RAPGEF6: variants seen among roughly 807,000 people sequenced by gnomAD.
RAPGEF6 encodes PDZ domain containing guanine nucleotide exchange factor (GEF) 2.
A neutral mutation model predicts 171.4 loss-of-function variants in RAPGEF6; 56 were observed. The observed-to-expected ratio is 0.33, with a 90% CI of 0.26 to 0.41. RAPGEF6 has a LOEUF of 0.41. Ranked by LOEUF, RAPGEF6 falls within the 10% of genes least tolerant of loss-of-function variation. RAPGEF6 has a pLI of 1.00. For missense variants in RAPGEF6, 1,674 were observed against 1,921.4 expected (o/e 0.87, Z 2.41); for synonymous variants, 692 against 650.1 (o/e 1.06, Z -0.98).
intron 7 of RAPGEF6, among the ~76,000 whole-genome samples, chr5:131,515,111 G>A (rs1757989738): frequency 6.6e-6 from 1 of 152,100 alleles, no homozygotes; most frequent in Non-Finnish European, 1.5e-5. Flanking sequence ...TAAACATGAA[G>A]CTACAATGAA....
At position 131,599,776 on chromosome 5, in the gene RAPGEF6, A is replaced by T. The variant is rs11738616; in HGVS notation, c.197+3495T>A. 1.2e-3 allele frequency among the ~76,000 whole-genome samples: 182 copies of T among 152,016 alleles called. 1 individual carries two copies. The highest frequency in any genetic ancestry group is 3.5e-3 in the South Asian group (17 of 4,824). ...ATATTAGCAATGCCATTTTTGATAA[A>T]TTTTTTTTTAAAGTGCCAAAATGAG... On this transcript the variant is annotated intron_variant, in intron 3 of 27. Coordinates refer to ENST00000509018, the MANE Select transcript of RAPGEF6 (RefSeq NM_016340.6).
intron 1 of RAPGEF6, among the ~76,000 whole-genome samples, chr5:131,608,753 T>C (rs1458467686): frequency 6.6e-6 from 1 of 151,886 alleles, no homozygotes; most frequent in Non-Finnish European, 1.5e-5. Context: ...GAGAGAGGGT[T>C]GTTAAAAAAA....
intron 6 of RAPGEF6, among the ~76,000 whole-genome samples, chr5:131,524,006 A>G (rs1758692314): frequency 6.6e-6 from 1 of 152,202 alleles, no homozygotes. Flanking sequence ...CCAGAAGACA[A>G]TTGAGTGATA....
At chr5:131,482,564 A>G (rs977692702) in intron 15 of RAPGEF6, among the ~76,000 whole-genome samples, 2 of 152,148 alleles carry the variant, frequency 1.3e-5, no homozygotes, top group African/African-American at 4.8e-5. Flanking sequence ...CGCCCTCCCA[A>G]AGTGATGGGA....
chr5:131,528,007 T>A (rs952260581), intron 6 of RAPGEF6, among the ~76,000 whole-genome samples: 18 of 144,234 alleles, frequency 1.2e-4, no homozygotes, highest in African/African-American at 4.6e-4. Context: ...AGAGTGAGAC[T>A]CCGTGTCAAA....
chr5:131,479,306 T>C (rs992701239), intron 16 of RAPGEF6, among the ~76,000 whole-genome samples: 3 of 152,114 alleles, frequency 2.0e-5, no homozygotes, highest in Admixed American at 6.6e-5. Flanking sequence ...AAATTCAAAA[T>C]AATGCTATTA....
At position 131,612,750 on chromosome 5, in the gene RAPGEF6, G is replaced by C. The variant is rs991859344; in HGVS notation, c.70-8057C>G. The stretch of plus-strand genomic sequence containing the variant: ...CATGTGGGTAGGCTAGTGTTACAGG[G>C]AACCAGAATTTTCTAAGACTCTCAA... On this transcript the variant is annotated intron_variant, in intron 1 of 27. Coordinates refer to ENST00000509018, the MANE Select transcript of RAPGEF6 (RefSeq NM_016340.6). Among the ~76,000 whole-genome samples the C allele has an allele frequency of 7.9e-5, 12 of 152,160 alleles. 1 individual carries two copies. The highest frequency in any genetic ancestry group is 5.9e-4 in the Admixed American group (9 of 15,276).
At chr5:131,448,711 AAAAT>A (rs1322575050) in intron 21 of RAPGEF6, among the ~76,000 whole-genome samples, 3 of 152,246 alleles carry the variant, frequency 2.0e-5, no homozygotes, top group African/African-American at 4.8e-5. Flanking sequence ...TTGCTGATAT[AAAAT>A]AAATATACCT....
chr5:131,513,512 A>G (rs6897507), intron 7 of RAPGEF6, among the ~76,000 whole-genome samples: 4,041 of 152,290 alleles, frequency 0.027, 187 homozygotes, highest in African/African-American at 0.092. Flanking sequence ...CTCACAACAT[A>G]AAAAGGCAAG....
intron 1 of RAPGEF6, among the ~76,000 whole-genome samples, chr5:131,623,035 T>C (rs542376408): frequency 3.9e-5 from 6 of 152,316 alleles, no homozygotes; most frequent in African/African-American, 7.2e-5. Flanking sequence ...CTTTAACTTT[T>C]TAATAACCAA....
intron 16 of RAPGEF6, among the ~76,000 whole-genome samples, chr5:131,477,900 T>A (rs1379298746): frequency 2.0e-5 from 3 of 152,128 alleles, no homozygotes; most frequent in Admixed American, 2.0e-4. Flanking sequence ...CTCGGTTTTG[T>A]CCCTTTTTCA....
intron 20 of RAPGEF6, among the ~76,000 whole-genome samples, chr5:131,453,560 CA>C (rs755563891): frequency 7.2e-5 from 11 of 152,134 alleles, no homozygotes; most frequent in Non-Finnish European, 1.3e-4. Context: ...CACTACACTT[CA>C]GCCTGGGCAA....
intron 4 of RAPGEF6, among the ~76,000 whole-genome samples, chr5:131,575,030 C>G (rs527269051): frequency 5.3e-5 from 8 of 152,178 alleles, no homozygotes; most frequent in Non-Finnish European, 1.2e-4. Flanking sequence ...ACCAAATTGT[C>G]TTACCTATCC....
intron 6 of RAPGEF6, among the ~76,000 whole-genome samples, chr5:131,546,328 G>A (rs535231309): frequency 1.4e-3 from 212 of 152,042 alleles, no homozygotes; most frequent in Non-Finnish European, 2.5e-3. Context: ...GGAAAAGGCC[G>A]GGCGCTGTGG....
At chr5:131,507,250 T>C (rs549493332) in intron 9 of RAPGEF6, among the ~76,000 whole-genome samples, 1 of 149,854 alleles carries the variant, frequency 6.7e-6, no homozygotes, top group Non-Finnish European at 1.5e-5. Context: ...TAATTTATAT[T>C]ATAAATGTAC....
intron 3 of RAPGEF6, among the ~76,000 whole-genome samples, chr5:131,598,790 C>T (rs1241760395): frequency 6.6e-6 from 1 of 152,222 alleles, no homozygotes; most frequent in Non-Finnish European, 1.5e-5. Context: ...GTAACAACGT[C>T]ATTTCTCTCT....
chr5:131,606,693 GT>G (rs1053543240), intron 1 of RAPGEF6, among the ~76,000 whole-genome samples: 1 of 152,210 alleles, frequency 6.6e-6, no homozygotes, highest in African/African-American at 2.4e-5. Context: ...CCCCACAGAT[GT>G]GGGTTGGCTC....
chr5:131,599,529 G>A (rs1764103823), intron 3 of RAPGEF6, among the ~76,000 whole-genome samples: 1 of 151,874 alleles, frequency 6.6e-6, no homozygotes, highest in Non-Finnish European at 1.5e-5. Context: ...TACACACACG[G>A]GGTCACTTAA....
At chr5:131,429,319 T>C (rs1283857727) in intron 26 of RAPGEF6, 103 bp from the exon 27 acceptor site, 2 of 1,021,020 alleles carry the variant, frequency 2.0e-6, no homozygotes, top group African/African-American at 1.6e-5. Context: ...AACTTAAAAA[T>C]AGACAAAATG....
Sources: allele counts gnomAD v4.1 joint callset (sites outside exome capture counted in the v4.1 genomes callset), GRCh38; gene constraint gnomAD v4.1.1; transcripts MANE v1.5; gene names NCBI Gene and HGNC (gene_info 2026-07-23, HGNC 2026-07-21).